UST: variants seen among roughly 807,000 people sequenced by gnomAD.
UST encodes uronyl 2-sulfotransferase, also known as chondroitin sulfate 2-O-sulfotransferase.
Under a neutral mutation model 45.6 loss-of-function variants are expected in UST, and 21 were observed. The observed-to-expected ratio is 0.46, with a 90% CI of 0.33 to 0.66. The LOEUF is 0.66. UST is among the 30% of genes least tolerant of loss of function. The probability of loss-of-function intolerance (pLI) is 0.02; values close to 1 mark genes in which losing one functional copy is unlikely to be tolerated. For synonymous variants in UST, 215 were observed against 200.6 expected, an observed-to-expected ratio of 1.07 and a Z score of -0.61; for missense variants, 463 against 512.4, an observed-to-expected ratio of 0.90 and a Z score of 0.93.
intron 3 of UST, among the ~76,000 whole-genome samples, chr6:148,951,773 T>C (rs879813449): frequency 2.0e-5 from 3 of 152,224 alleles, no homozygotes; most frequent in Non-Finnish European, 4.4e-5. Context: ...ACTGTGCTAA[T>C]ACAATAAACA....
intron 1 of UST, among the ~76,000 whole-genome samples, chr6:148,815,333 T>C (rs1015588408): frequency 4.6e-5 from 7 of 152,368 alleles, no homozygotes; most frequent in African/African-American, 1.7e-4. Context: ...TGCTGTTCAC[T>C]GTACAGCCTT....
intron 1 of UST, among the ~76,000 whole-genome samples, chr6:148,800,593 C>T (rs990658042): frequency 6.6e-6 from 1 of 151,678 alleles, no homozygotes; most frequent in African/African-American, 2.4e-5. Flanking sequence ...TTATAATGGG[C>T]CACTTTAGAT....
At chr6:148,784,136 G>A (rs947429688) in intron 1 of UST, among the ~76,000 whole-genome samples, 1 of 152,040 alleles carries the variant, frequency 6.6e-6, no homozygotes, top group Non-Finnish European at 1.5e-5. Context: ...GAAAGAAACT[G>A]TAATCCATAT....
intron 1 of UST, among the ~76,000 whole-genome samples, chr6:148,866,203 G>A (rs116828397): frequency 0.014 from 2,043 of 144,240 alleles, 30 homozygotes; most frequent in Admixed American, 0.027. Flanking sequence ...ACTAAAAAAT[G>A]AAATAACATA....
intron 1 of UST, among the ~76,000 whole-genome samples, chr6:148,877,729 T>G (rs1778713237): frequency 2.0e-5 from 2 of 97,796 alleles, no homozygotes; most frequent in Non-Finnish European, 3.8e-5. Context: ...GGGGTGGTCG[T>G]GTATGAGTGC....
At chr6:148,876,850 C>T (rs938205983) in intron 1 of UST, among the ~76,000 whole-genome samples, 1 of 151,370 alleles carries the variant, frequency 6.6e-6, no homozygotes, top group Non-Finnish European at 1.5e-5. Flanking sequence ...TCCTCTCCAT[C>T]CCAGTCGTAC....
intron 7 of UST, among the ~76,000 whole-genome samples, chr6:149,069,078 C>CT (rs1247242944): frequency 6.6e-6 from 1 of 152,176 alleles, no homozygotes; most frequent in Non-Finnish European, 1.5e-5. Context: ...TGATTTCTTT[C>CT]TTTTTTATGG....
At chr6:148,782,642 G>A (rs1562256008) in intron 1 of UST, among the ~76,000 whole-genome samples, 1 of 151,954 alleles carries the variant, frequency 6.6e-6, no homozygotes, top group Non-Finnish European at 1.5e-5. Context: ...GTAGAGACAG[G>A]GTTTCACCAT....
intron 7 of UST, among the ~76,000 whole-genome samples, chr6:149,027,191 A>G (rs1306386714): frequency 6.6e-6 from 1 of 152,240 alleles, no homozygotes; most frequent in Non-Finnish European, 1.5e-5. Context: ...CTAGAAAATG[A>G]TAACAAATAT....
chr6:148,875,766 T>G (rs907942243), intron 1 of UST, among the ~76,000 whole-genome samples: 1 of 152,226 alleles, frequency 6.6e-6, no homozygotes, highest in African/African-American at 2.4e-5. Context: ...ATCGCACCAC[T>G]GCGCTCCCGC....
chr6:148,940,357 C>CGTGGT lies in UST; in HGVS notation c.292-918_292-914dup, dbSNP rs373367098. Among the ~76,000 whole-genome samples, 781 of 151,686 alleles carry CGTGGT rather than the reference C, an allele frequency of 5.1e-3. 3 individuals carry two copies. Among genetic ancestry groups the CGTGGT allele is most frequent in the African/African-American group, 0.017 (692 of 41,356 alleles). On this transcript the variant is annotated intron_variant, in intron 2 of 7. Coordinates refer to ENST00000367463, the MANE Select transcript of UST (RefSeq NM_005715.3). ...AAAAAAATTACAAAAATTAGCCAGTCGTGGTGTGTGCCTGTAGTCCCAGCT... is the reference window on the plus strand; with the variant it reads ...AAAAAAATTACAAAAATTAGCCAGTCGTGGTGTGGTGTGTGCCTGTAGTCCCAGCT...
intron 7 of UST, among the ~76,000 whole-genome samples, chr6:149,063,173 C>G (rs901170260): frequency 1.3e-5 from 2 of 152,176 alleles, no homozygotes; most frequent in African/African-American, 2.4e-5. Context: ...CCCTGTGGCC[C>G]TGACTCTATG....
At chr6:148,755,074 A>G (rs962064408) in intron 1 of UST, among the ~76,000 whole-genome samples, 2 of 152,224 alleles carry the variant, frequency 1.3e-5, no homozygotes, top group Non-Finnish European at 2.9e-5. Context: ...TGAACAGCAG[A>G]TTATAGTACA....
intron 2 of UST, among the ~76,000 whole-genome samples, chr6:148,905,488 A>G (rs1779338373): frequency 2.0e-5 from 3 of 152,122 alleles, no homozygotes; most frequent in Admixed American, 6.5e-5. Flanking sequence ...AACCAGCTGG[A>G]CCTTCCCCTC....
chr6:149,035,986 G>C (rs1262500315), intron 7 of UST, among the ~76,000 whole-genome samples: 2 of 152,168 alleles, frequency 1.3e-5, no homozygotes, highest in South Asian at 2.1e-4. Context: ...AAGTGTGGTA[G>C]GAGAGTGGAG....
At chr6:149,056,320 C>T (rs1043378145) in intron 7 of UST, among the ~76,000 whole-genome samples, 2 of 151,954 alleles carry the variant, frequency 1.3e-5, no homozygotes, top group Non-Finnish European at 2.9e-5. Flanking sequence ...GTTGGCCAAG[C>T]TGGTCTCAAA....
At chr6:149,031,981 T>C (rs754127654) in intron 7 of UST, among the ~76,000 whole-genome samples, 4 of 152,156 alleles carry the variant, frequency 2.6e-5, no homozygotes, top group Non-Finnish European at 4.4e-5. Context: ...TGAGAAAGCA[T>C]AGAAGCACTC....
intron 7 of UST, among the ~76,000 whole-genome samples, chr6:149,043,680 G>A (rs1398621289): frequency 6.6e-6 from 1 of 152,260 alleles, no homozygotes; most frequent in East Asian, 1.9e-4. Flanking sequence ...GAACTGGCCC[G>A]AGGCCCTGAG....
At chr6:148,762,385 C>A (rs1776237737) in intron 1 of UST, among the ~76,000 whole-genome samples, 1 of 152,118 alleles carries the variant, frequency 6.6e-6, no homozygotes, top group Admixed American at 6.5e-5. Flanking sequence ...ATGCAAGGGT[C>A]TTGAAATGTA....
Sources: gnomAD v4.1 joint callset for allele counts (sites outside exome capture counted in the v4.1 genomes callset) on GRCh38, gnomAD v4.1.1 for gene constraint, MANE v1.5 for transcripts, NCBI Gene and HGNC (gene_info 2026-07-23, HGNC 2026-07-21) for gene names.